Variants in NSMAF observed in about 807,000 individuals in gnomAD.
NSMAF encodes the protein protein FAN.
NSMAF carries 90 observed loss-of-function variants against 134.9 expected under a neutral mutation model. The observed-to-expected ratio is 0.67, with a 90% confidence interval of 0.56 to 0.79. The LOEUF is 0.79. Ranked by LOEUF, NSMAF falls within the 30% of genes least tolerant of loss-of-function variation. The probability of loss-of-function intolerance (pLI) is 0.00; values close to 1 mark genes in which losing one functional copy is unlikely to be tolerated. For synonymous variants in NSMAF, 358 were observed against 389.6 expected (o/e 0.92, Z 0.96); for missense variants, 1,010 against 1,119.0 (o/e 0.90, Z 1.39).
chr8:58,636,482 G>A (rs926071776), intron 2 of NSMAF, among the ~76,000 whole-genome samples: 13 of 152,222 alleles, frequency 8.5e-5, no homozygotes, highest in African/African-American at 2.9e-4. Context: ...AGAGGATCAG[G>A]TGATGTCAAT....
chr8:58,623,750 C>T lies in NSMAF; in HGVS notation c.415G>A (p.Val139Ile), dbSNP rs919612246. The change falls in exon 7 of 31, where the codon GTT becomes ATT. Residue 139 changes from valine to isoleucine, a missense_variant. Val to Ile is a conservative substitution (Grantham distance 29, BLOSUM62 3). Coordinates refer to ENST00000038176, the MANE Select transcript of NSMAF (RefSeq NM_003580.4). ...ACAACATCTTCCACTTTCCCGGGAA[C>T]ATCCAATTCAAAAACATATTCCATT... is the stretch of plus-strand genomic sequence containing the variant. ...GKMEYVFELD[V>I]PGKVEDVVET... 1 of 1,614,054 alleles carries T rather than the reference C, an allele frequency of 6.2e-7. No homozygotes were observed. The highest frequency in any genetic ancestry group is 2.2e-5 in the East Asian group (1 of 44,870).
In NSMAF at chr8:58,609,716, T is replaced by G. The variant is rs773502870; in HGVS notation, c.575A>C (p.Glu192Ala). ...FDKNRFQNIS[E>A]KLHMECKAEM... ...TGCTTTGCATTCCATGTGCAGCTTT[T>G]CAGAAATGTTTTGGAACCTGAAAAT... Residue 192 changes from glutamate to alanine, a missense_variant, in exon 10 of 31, where the codon GAA becomes GCA. Glu to Ala is a moderately radical substitution (Grantham distance 107, BLOSUM62 -1). Transcript: ENST00000038176. 2 of 1,614,126 alleles carry G rather than the reference T, an allele frequency of 1.2e-6. No homozygotes were observed. Among genetic ancestry groups the G allele is most frequent in the South Asian group, 2.2e-5 (2 of 91,084 alleles).
rs190968622 is a variant in NSMAF at position 58,618,401 on chromosome 8, A to C, written c.557+4819T>G. ...TGATTTTATATTTTATTATGATTTT[A>C]TTTTATTATATATGAGATATATTAT... On this transcript the variant is annotated intron_variant, in intron 9 of 30. Coordinates refer to ENST00000038176, the MANE Select transcript of NSMAF (RefSeq NM_003580.4). Among the ~76,000 whole-genome samples, 7 of 151,950 alleles carry C rather than the reference A, an allele frequency of 4.6e-5. No homozygotes were observed. In the East Asian group the frequency reaches 9.7e-4, roughly 21 times the overall value.
intron 9 of NSMAF, among the ~76,000 whole-genome samples, chr8:58,615,745 T>C (rs1238180849): frequency 6.6e-6 from 1 of 152,176 alleles, no homozygotes; most frequent in Non-Finnish European, 1.5e-5. Flanking sequence ...ACTGGTGACC[T>C]AGACTTTCTT....
At chr8:58,630,315 C>T (rs936268712) in intron 6 of NSMAF, among the ~76,000 whole-genome samples, 1 of 151,658 alleles carries the variant, frequency 6.6e-6, no homozygotes, top group African/African-American at 2.4e-5. Context: ...TTCCACCTCA[C>T]CCTTTTTTTT....
intron 20 of NSMAF, 66 bp downstream of exon 20, chr8:58,597,794 A>T (rs956496061): frequency 8.6e-7 from 1 of 1,161,816 alleles, no homozygotes; most frequent in Non-Finnish European, 1.3e-6. Flanking sequence ...AAATAAATAC[A>T]TTAATAATTT....
At position 58,590,218 on chromosome 8, in the gene NSMAF, C is replaced by A. The variant is rs1221604816; in HGVS notation, c.2020-144G>T. ...CTCCTATTTACGCAGATTTTCTCAACTGGCTAATTCCAGCTGTAGGGTTTT... is the reference window on the plus strand; with the variant it reads ...CTCCTATTTACGCAGATTTTCTCAAATGGCTAATTCCAGCTGTAGGGTTTT... On this transcript the variant is annotated intron_variant, in intron 24 of 30. Transcript: ENST00000038176. The A allele has an allele frequency of 1.9e-5, 13 of 698,686 alleles. 1 individual carries two copies. The highest frequency in any genetic ancestry group is 5.0e-5 in the Admixed American group (2 of 39,796). The allele number at this position is 698,686 out of a possible 1,614,324, so 43.3% of individuals were successfully genotyped here. A position where few individuals can be genotyped will look rare whatever the true frequency, so the allele number is the denominator to read the frequency against.
At chr8:58,603,838 C>G (rs954234791) in intron 12 of NSMAF, among the ~76,000 whole-genome samples, 2 of 152,166 alleles carry the variant, frequency 1.3e-5, no homozygotes, top group East Asian at 1.9e-4. Flanking sequence ...AGATGTACTA[C>G]TGCTAATTTG....
intron 30 of NSMAF, among the ~76,000 whole-genome samples, chr8:58,584,965 G>A (rs1184147186): frequency 6.6e-6 from 1 of 152,138 alleles, no homozygotes; most frequent in Non-Finnish European, 1.5e-5. Context: ...AGAACCATAT[G>A]AAGTCGAGTG....
In NSMAF at chr8:58,659,320, G is replaced by A. The variant is rs529977784; in HGVS notation, c.59+253C>T. 61 of 1,527,216 alleles carry A rather than the reference G, an allele frequency of 4.0e-5. No individual in the cohort carries two copies. In the African/African-American group the frequency reaches 7.4e-4, roughly 18 times the overall value. The allele number at this position is 1,527,216 out of a possible 1,614,324, so 94.6% of individuals were successfully genotyped here. On this transcript the variant is annotated intron_variant, in intron 1 of 30. Transcript: ENST00000038176. Reference sequence around the variant, plus strand: ...GGATAGCTCGGCATGCCTCGGCTCCGCGGTGGAATCTGGCCTGGCCCGTCA... The same window carrying A: ...GGATAGCTCGGCATGCCTCGGCTCCACGGTGGAATCTGGCCTGGCCCGTCA...
chr8:58,613,826 C>A (rs553904445), intron 9 of NSMAF, among the ~76,000 whole-genome samples: 4 of 152,266 alleles, frequency 2.6e-5, no homozygotes, highest in African/African-American at 9.6e-5. Flanking sequence ...TGTATCATAT[C>A]GGTGTGCCTC....
At chr8:58,637,988 CAGAAAA>C (rs997709674) in intron 2 of NSMAF, among the ~76,000 whole-genome samples, 5 of 152,024 alleles carry the variant, frequency 3.3e-5, no homozygotes, top group African/African-American at 9.7e-5. Flanking sequence ...TTAACAGAAA[CAGAAAA>C]AAAGAAATTA....
chr8:58,637,181 T>G (rs1397566239), intron 2 of NSMAF: 4 of 315,632 alleles, frequency 1.3e-5, no homozygotes, highest in Non-Finnish European at 2.6e-5. Flanking sequence ...CATCGTCTAC[T>G]TGCCCCTGCA....
At chr8:58,649,702 A>G (rs1807539894) in intron 1 of NSMAF, among the ~76,000 whole-genome samples, 1 of 152,068 alleles carries the variant, frequency 6.6e-6, no homozygotes. Flanking sequence ...AAGAGTCCAG[A>G]GCCTCCTCCT....
chr8:58,646,288 C>T (rs191916559), intron 1 of NSMAF, among the ~76,000 whole-genome samples: 3 of 152,248 alleles, frequency 2.0e-5, no homozygotes, highest in African/African-American at 7.2e-5. Flanking sequence ...AGTTACACAT[C>T]CTTCCTTCTC....
chr8:58,630,606 G>T (rs913458404), intron 6 of NSMAF, among the ~76,000 whole-genome samples: 1 of 152,164 alleles, frequency 6.6e-6, no homozygotes, highest in Non-Finnish European at 1.5e-5. Context: ...AGAGGCATTT[G>T]TTAGGGGAAA....
At chr8:58,659,179 C>T in intron 1 of NSMAF, 1 of 1,414,804 alleles carries the variant, frequency 7.1e-7, no homozygotes, top group Non-Finnish European at 9.1e-7. Flanking sequence ...GGGTGCCCGC[C>T]GGGCAGCGTA....
intron 9 of NSMAF, among the ~76,000 whole-genome samples, chr8:58,613,545 A>G (rs906411220): frequency 6.6e-6 from 1 of 152,136 alleles, no homozygotes; most frequent in Non-Finnish European, 1.5e-5. Context: ...GAAGGGAGAA[A>G]AGGAGGAGCA....
Position 58,592,920 on chromosome 8 carries a change from A to AC in NSMAF, c.1951+1311_1951+1312insG, listed in dbSNP as rs1806052001. On this transcript the variant is annotated intron_variant, in intron 23 of 30. Coordinates refer to ENST00000038176, the MANE Select transcript of NSMAF (RefSeq NM_003580.4). The stretch of plus-strand genomic sequence containing the variant: ...ACAAAAACAAAAACAACAACAACAA[A>AC]AAAAAAACCTCTCTCTCCTTTATTG... Among the ~76,000 whole-genome samples, 7 of 149,630 alleles carry AC rather than the reference A, an allele frequency of 4.7e-5. No individual in the cohort carries two copies. The South Asian group carries it at 6.4e-4, about 14-fold the overall frequency.
Sources: allele counts gnomAD v4.1 joint callset (sites outside exome capture counted in the v4.1 genomes callset), GRCh38; gene constraint gnomAD v4.1.1; transcripts MANE v1.5; gene names NCBI Gene and HGNC (gene_info 2026-07-23, HGNC 2026-07-21).